The following LSAMP variants were observed in gnomAD, a reference collection of about 807,000 sequenced individuals.
LSAMP encodes limbic system-associated membrane protein.
Under a neutral mutation model 38.6 loss-of-function variants are expected in LSAMP, and 7 were observed. The ratio of observed to expected loss-of-function variants is 0.18; its 90% confidence interval spans 0.10 to 0.34. The LOEUF is 0.34. LSAMP is among the 10% of genes least tolerant of loss of function. The pLI is 1.00. For missense variants in LSAMP, 313 were observed against 420.0 expected (o/e 0.75, Z 2.23); for synonymous variants, 154 against 166.8 (o/e 0.92, Z 0.59).
chr3:116,061,228 T>G (rs1198551012), intron 2 of LSAMP, among the ~76,000 whole-genome samples: 1 of 152,194 alleles, frequency 6.6e-6, no homozygotes, highest in East Asian at 1.9e-4. Flanking sequence ...GAGTCAGCAT[T>G]TGAATCCAGG....
chr3:116,310,001 T>C (rs2107715697), intron 1 of LSAMP, among the ~76,000 whole-genome samples: 1 of 152,310 alleles, frequency 6.6e-6, no homozygotes, highest in South Asian at 2.1e-4. Flanking sequence ...TGATCTGCAC[T>C]GGCAGAGAGA....
chr3:116,359,458 G>T (rs190767383), intron 1 of LSAMP, among the ~76,000 whole-genome samples: 2 of 152,322 alleles, frequency 1.3e-5, no homozygotes, highest in South Asian at 2.1e-4. Flanking sequence ...TGTCAGAAGC[G>T]TAGCTGGTTC....
intron 1 of LSAMP, among the ~76,000 whole-genome samples, chr3:116,184,443 C>T (rs915478591): frequency 1.3e-5 from 2 of 151,886 alleles, no homozygotes; most frequent in African/African-American, 4.8e-5. Flanking sequence ...ACTGTCATTT[C>T]AAGACGGAAT....
chr3:115,913,401 T>C (rs192748333), intron 3 of LSAMP, among the ~76,000 whole-genome samples: 2 of 152,282 alleles, frequency 1.3e-5, no homozygotes, highest in African/African-American at 4.8e-5. Context: ...AAAGCCATGG[T>C]CTTTTTGACC....
intron 4 of LSAMP, among the ~76,000 whole-genome samples, chr3:115,849,291 A>G (rs890105284): frequency 1.3e-5 from 2 of 152,222 alleles, no homozygotes; most frequent in African/African-American, 4.8e-5. Flanking sequence ...CCTACTGCAG[A>G]GAAGTGCTAT....
chr3:116,366,189 C>T (rs1376443472), intron 1 of LSAMP, among the ~76,000 whole-genome samples: 1 of 151,766 alleles, frequency 6.6e-6, no homozygotes, highest in South Asian at 2.1e-4. Flanking sequence ...AAAAAAATCT[C>T]ATTCAAAAGT....
intron 1 of LSAMP, among the ~76,000 whole-genome samples, chr3:116,220,012 TA>T (rs1282163575): frequency 6.6e-6 from 1 of 152,048 alleles, no homozygotes; most frequent in Non-Finnish European, 1.5e-5. Context: ...CTGTCTCTAC[TA>T]AAAATACAAA....
chr3:116,204,106 G>T (rs2107596845), intron 1 of LSAMP, among the ~76,000 whole-genome samples: 1 of 152,226 alleles, frequency 6.6e-6, no homozygotes, highest in Admixed American at 6.5e-5. Flanking sequence ...ACTGGTGTGA[G>T]ATAGTATCTC....
chr3:116,198,778 A>AAAAAAAAAAAAG (rs1323795880), intron 1 of LSAMP, among the ~76,000 whole-genome samples: 4 of 145,906 alleles, frequency 2.7e-5, no homozygotes, highest in Admixed American at 6.7e-5. Context: ...CTCAGAAAAA[A>AAAAAAAAAAAAG]AAAGAAAATC....
intron 1 of LSAMP, among the ~76,000 whole-genome samples, chr3:116,117,859 G>A (rs1708786709): frequency 6.6e-6 from 1 of 152,146 alleles, no homozygotes; most frequent in African/African-American, 2.4e-5. Context: ...TGGATGACCT[G>A]CCTGAGGTAG....
intron 1 of LSAMP, among the ~76,000 whole-genome samples, chr3:116,184,201 T>A (rs1027781122): frequency 6.6e-6 from 1 of 151,896 alleles, no homozygotes. Flanking sequence ...TATAGCTAAA[T>A]GTATCAAACT....
At chr3:116,440,760 T>C (rs779505751) in intron 1 of LSAMP, among the ~76,000 whole-genome samples, 7 of 152,248 alleles carry the variant, frequency 4.6e-5, no homozygotes, top group Non-Finnish European at 7.3e-5. Context: ...ATCCTTACAG[T>C]ATCAGGGCTA....
chr3:116,311,225 G>A (rs1290454569), intron 1 of LSAMP, among the ~76,000 whole-genome samples: 1 of 151,944 alleles, frequency 6.6e-6, no homozygotes, highest in Admixed American at 6.6e-5. Flanking sequence ...CCTTCTCGTT[G>A]GAACTACTTC....
intron 1 of LSAMP, among the ~76,000 whole-genome samples, chr3:116,441,699 G>A (rs1559869491): frequency 6.6e-6 from 1 of 152,222 alleles, no homozygotes; most frequent in East Asian, 1.9e-4. Flanking sequence ...TCCTGTGGGA[G>A]CTGGTAATGA....
At chr3:116,162,545 T>C (rs1314299286) in intron 1 of LSAMP, among the ~76,000 whole-genome samples, 2 of 152,154 alleles carry the variant, frequency 1.3e-5, no homozygotes, top group Non-Finnish European at 2.9e-5. Flanking sequence ...ATATTATTTT[T>C]ATAAACACAA....
At chr3:116,140,050 C>T (rs1302471827) in intron 1 of LSAMP, among the ~76,000 whole-genome samples, 1 of 151,962 alleles carries the variant, frequency 6.6e-6, no homozygotes, top group African/African-American at 2.4e-5. Flanking sequence ...AGGGTAGACA[C>T]AAATGGTCCC....
intron 3 of LSAMP, among the ~76,000 whole-genome samples, chr3:115,893,747 A>C (rs1414602819): frequency 6.6e-6 from 1 of 152,022 alleles, no homozygotes; most frequent in African/African-American, 2.4e-5. Flanking sequence ...TGATGGTAAC[A>C]TTCTCTCGAT....
chr3:115,984,924 G>A (rs1939466874), intron 3 of LSAMP, among the ~76,000 whole-genome samples: 1 of 152,162 alleles, frequency 6.6e-6, no homozygotes, highest in Non-Finnish European at 1.5e-5. Flanking sequence ...TCCATAGATG[G>A]TGAGCAGTCT....
intron 1 of LSAMP, among the ~76,000 whole-genome samples, chr3:116,385,631 G>A (rs2048616472): frequency 6.6e-6 from 1 of 152,042 alleles, no homozygotes; most frequent in Non-Finnish European, 1.5e-5. Context: ...TTATTATTAA[G>A]AGACTCATGA....
Sources: gnomAD v4.1 joint callset for allele counts (sites outside exome capture counted in the v4.1 genomes callset) on GRCh38, gnomAD v4.1.1 for gene constraint, MANE v1.5 for transcripts, NCBI Gene and HGNC (gene_info 2026-07-23, HGNC 2026-07-21) for gene names.